The following RBM33 variants were observed in gnomAD, a reference collection of about 807,000 sequenced individuals.
The protein encoded by RBM33 is RNA binding motif protein 33.
Under a neutral mutation model 132.6 loss-of-function variants are expected in RBM33, and 28 were observed. The observed-to-expected ratio is 0.21, with a 90% CI of 0.16 to 0.29. The LOEUF (loss-of-function observed/expected upper bound fraction) is 0.29. Ranked by LOEUF, RBM33 falls within the 10% of genes least tolerant of loss-of-function variation. The pLI is 1.00. For missense variants in RBM33, 1,291 were observed against 1,518.5 expected, an observed-to-expected ratio of 0.85 and a Z score of 2.49; for synonymous variants, 634 against 593.0, an observed-to-expected ratio of 1.07 and a Z score of -1.01.
chr7:155,758,673 C>T (rs1477364696), intron 14 of RBM33, among the ~76,000 whole-genome samples: 2 of 152,118 alleles, frequency 1.3e-5, no homozygotes, highest in Non-Finnish European at 2.9e-5. Context: ...AGCTCCAGAG[C>T]TTACCCAGGC....
intron 9 of RBM33, among the ~76,000 whole-genome samples, chr7:155,729,622 G>A (rs1428114801): frequency 1.3e-5 from 2 of 151,682 alleles, no homozygotes; most frequent in East Asian, 1.9e-4. Context: ...CTGTAGTCCC[G>A]GGTTCTCTGG....
intron 14 of RBM33, among the ~76,000 whole-genome samples, chr7:155,758,456 C>T (rs957592314): frequency 4.6e-5 from 7 of 152,144 alleles, no homozygotes; most frequent in Non-Finnish European, 8.8e-5. Flanking sequence ...CTAGATCCCT[C>T]GCGTGGGCAG....
intron 14 of RBM33, among the ~76,000 whole-genome samples, chr7:155,754,449 C>T (rs980531118): frequency 6.6e-6 from 1 of 152,192 alleles, no homozygotes; most frequent in African/African-American, 2.4e-5. Flanking sequence ...TGGGGCTGCA[C>T]CCCTCTGTGA....
intron 14 of RBM33, among the ~76,000 whole-genome samples, chr7:155,757,375 A>AT (rs1801885581): frequency 6.6e-6 from 1 of 152,118 alleles, no homozygotes. Flanking sequence ...AAAAAAATTC[A>AT]TTTTTTTCTT....
chr7:155,688,282 G>A (rs981889858), intron 5 of RBM33, among the ~76,000 whole-genome samples: 2 of 152,146 alleles, frequency 1.3e-5, no homozygotes, highest in African/African-American at 4.8e-5. Context: ...CTGTTTGTCT[G>A]TTATTGGTGT....
At chr7:155,769,759 G>C (rs1235988402) in intron 16 of RBM33, among the ~76,000 whole-genome samples, 3 of 152,092 alleles carry the variant, frequency 2.0e-5, no homozygotes, top group Non-Finnish European at 4.4e-5. Context: ...GTGAGCAGCT[G>C]AGTTGTTTTG....
At chr7:155,755,628 A>AG (rs1394226180) in intron 14 of RBM33, among the ~76,000 whole-genome samples, 1 of 152,206 alleles carries the variant, frequency 6.6e-6, no homozygotes, top group African/African-American at 2.4e-5. Context: ...ATTTCTATAG[A>AG]GGGGGTTAAT....
At chr7:155,770,716 T>C (rs771485664) in intron 16 of RBM33, among the ~76,000 whole-genome samples, 6 of 152,030 alleles carry the variant, frequency 3.9e-5, no homozygotes. Flanking sequence ...AACATTTTAG[T>C]TATCTTTATA....
rs1057341202 is a variant in RBM33, at chr7:155,745,831, G to A, written c.2979+229G>A. ...TGTCATTGTCTGAACGTGCTAGAATGTACTTCCATACACAGACGGTACAGC... is the reference window on the plus strand; with the variant it reads ...TGTCATTGTCTGAACGTGCTAGAATATACTTCCATACACAGACGGTACAGC... On this transcript the variant is annotated intron_variant, in intron 14 of 17. Transcript: ENST00000401878. This position sits in a 1 kb window ranked among gnomAD's most constrained non-coding sequence, Gnocchi z 4.1. 3 of 554,722 alleles carry A rather than the reference G, an allele frequency of 5.4e-6. No individual in the cohort carries two copies. Among genetic ancestry groups the A allele is most frequent in the East Asian group, 3.1e-5 (1 of 32,492 alleles). The allele number at this position is 554,722 out of a possible 1,614,324, so 34.4% of individuals were successfully genotyped here.
chr7:155,722,383 T>C (rs1210541974), intron 9 of RBM33, among the ~76,000 whole-genome samples: 1 of 152,186 alleles, frequency 6.6e-6, no homozygotes. Context: ...TGTGTTTTGT[T>C]TTGTCTTTTA....
intron 9 of RBM33, among the ~76,000 whole-genome samples, chr7:155,733,600 A>T (rs187650085): frequency 7.6e-4 from 107 of 141,532 alleles, no homozygotes; most frequent in African/African-American, 1.0e-3. Context: ...CAGGGGCCTG[A>T]GTTCCCTTTG....
chr7:155,706,792 G>C, intron 6 of RBM33, 68 bp from the exon 7 acceptor site: 1 of 1,289,652 alleles, frequency 7.8e-7, no homozygotes, highest in South Asian at 1.4e-5. Context: ...ATTCTTTCCT[G>C]TTCTCTCCCT....
chr7:155,735,008 TACG>T (rs1448521467), intron 9 of RBM33, among the ~76,000 whole-genome samples: 2 of 152,212 alleles, frequency 1.3e-5, no homozygotes, highest in Admixed American at 1.3e-4. Context: ...CTCTGCAACT[TACG>T]ATGGGGTTAC....
chr7:155,745,639 T>C lies in RBM33; in HGVS notation c.2979+37T>C. On this transcript the variant is annotated intron_variant, in intron 14 of 17. Transcript: ENST00000401878. The surrounding 1 kb of genome is among the most constrained non-coding windows in gnomAD (Gnocchi z 4.1). ...AGTTTTATGAGAGCCTCTTTGAGTC[T>C]GTGTATCACATAGAATGTCCTCATT... The C allele has an allele frequency of 6.7e-7, 1 of 1,499,668 alleles. No homozygotes were observed. The highest frequency in any genetic ancestry group is 8.9e-7 in the Non-Finnish European group (1 of 1,119,498). The allele number at this position is 1,499,668 out of a possible 1,614,324, so 92.9% of individuals were successfully genotyped here. A position where few individuals can be genotyped will look rare whatever the true frequency, so the allele number is the denominator to read the frequency against.
intron 16 of RBM33, among the ~76,000 whole-genome samples, chr7:155,769,484 C>G (rs1006789436): frequency 1.2e-4 from 19 of 152,168 alleles, no homozygotes; most frequent in Non-Finnish European, 2.2e-4. Context: ...GTGCAGAAGC[C>G]TCTCCCTGAC....
intron 9 of RBM33, among the ~76,000 whole-genome samples, chr7:155,724,755 G>A (rs554472050): frequency 6.6e-6 from 1 of 152,106 alleles, no homozygotes; most frequent in Non-Finnish European, 1.5e-5. Context: ...ATTGTGTTAT[G>A]TAAATGGAAT....
chr7:155,733,846 C>G (rs1257006972), intron 9 of RBM33, among the ~76,000 whole-genome samples: 1 of 152,236 alleles, frequency 6.6e-6, no homozygotes, highest in Non-Finnish European at 1.5e-5. Context: ...TTCCCCAACT[C>G]TAACCCATGC....
Position 155,745,647 on chromosome 7 carries a change from A to C in RBM33, c.2979+45A>C. On this transcript the variant is annotated intron_variant, in intron 14 of 17. Coordinates refer to ENST00000401878, the MANE Select transcript of RBM33 (RefSeq NM_053043.3). This position sits in a 1 kb window ranked among gnomAD's most constrained non-coding sequence, Gnocchi z 4.1. The stretch of plus-strand genomic sequence containing the variant: ...GAGAGCCTCTTTGAGTCTGTGTATC[A>C]CATAGAATGTCCTCATTTGCAGAGA... The C allele has an allele frequency of 6.8e-7, 1 of 1,462,494 alleles. No individual in the cohort carries two copies. The highest frequency in any genetic ancestry group is 2.4e-5 in the East Asian group (1 of 42,424). 90.6% of individuals were successfully genotyped at this position (1,462,494 alleles called of 1,614,324 possible). A position where few individuals can be genotyped will look rare whatever the true frequency, so the allele number is the denominator to read the frequency against.
At chr7:155,662,033 T>C (rs754364914) in intron 1 of RBM33, among the ~76,000 whole-genome samples, 1 of 152,142 alleles carries the variant, frequency 6.6e-6, no homozygotes, top group South Asian at 2.1e-4. Context: ...GTTATTTGCT[T>C]CTTCACTCCT....
Sources: allele counts gnomAD v4.1 joint callset (sites outside exome capture counted in the v4.1 genomes callset), GRCh38; gene constraint gnomAD v4.1.1; non-coding constraint Gnocchi (gnomAD v3.1); transcripts MANE v1.5; gene names NCBI Gene and HGNC (gene_info 2026-07-23, HGNC 2026-07-21).